The following TXK variants were observed in gnomAD, a reference collection of about 807,000 sequenced individuals.
The protein encoded by TXK is tyrosine-protein kinase TXK.
A neutral mutation model predicts 81.0 loss-of-function variants in TXK; 60 were observed. The ratio of observed to expected loss-of-function variants is 0.74; its 90% CI spans 0.60 to 0.92. The LOEUF (loss-of-function observed/expected upper bound fraction) is 0.92. TXK is among the 40% of genes least tolerant of loss of function. The pLI is 0.00. For missense variants in TXK, 581 were observed against 638.3 expected (o/e 0.91, Z 0.97); for synonymous variants, 203 against 210.7 (o/e 0.96, Z 0.32).
Position 48,067,027 on chromosome 4 carries a change from G to T in TXK, c.*610C>A, listed in dbSNP as rs1716630331. ...TTATAACAGTGTTTAAAACTCGAAT[G>T]CAAAAAACTGCTTTCAATATAATCA... is the stretch of plus-strand genomic sequence containing the variant. On this transcript the variant is annotated 3_prime_UTR_variant, in exon 15 of 15. Transcript: ENST00000264316. 6.6e-6 allele frequency: 1 copy of T among 152,140 alleles called. No homozygotes were observed. Among genetic ancestry groups the T allele is most frequent in the East Asian group, 1.9e-4 (1 of 5,202 alleles). The allele number at this position is 152,140 out of a possible 1,614,324, so 9.4% of individuals were successfully genotyped here.
chr4:48,129,103 G>A (rs1000614204), intron 1 of TXK, among the ~76,000 whole-genome samples: 6 of 152,156 alleles, frequency 3.9e-5, no homozygotes, highest in Admixed American at 3.9e-4. Flanking sequence ...GTAAAATTGG[G>A]ACATTGAGTT....
At chr4:48,083,155 G>A (rs975369184) in intron 10 of TXK, among the ~76,000 whole-genome samples, 1 of 152,178 alleles carries the variant, frequency 6.6e-6, no homozygotes, top group Non-Finnish European at 1.5e-5. Flanking sequence ...GACCCACTTG[G>A]GCTTTGGGAG....
chr4:48,086,554 A>G lies in TXK; in HGVS notation c.868T>C (p.Trp290Arg). The change falls in exon 10 of 15, where the codon TGG becomes CGG. Residue 290 changes from tryptophan to arginine, a missense_variant. Physicochemically the swap from Trp to Arg is moderately radical, Grantham distance 101. Coordinates refer to ENST00000264316, the MANE Select transcript of TXK (RefSeq NM_003328.3). ...ATAGCTACCTGGATATGTGACCGCC[A>G]TTCACCTAAATGGACCACTCCAAAC... ...GQFGVVHLGE[W>R]RSHIQVAIKA... 6.2e-7 allele frequency: 1 copy of G among 1,614,066 alleles called. No homozygotes were observed. Among genetic ancestry groups the G allele is most frequent in the Non-Finnish European group, 8.5e-7 (1 of 1,179,960 alleles).
At position 48,080,864 on chromosome 4, in the gene TXK, T is replaced by C. The variant is rs139695446; in HGVS notation, c.957-736A>G. ...TCATGGAAAATAATATTCAAATTAA[T>C]GCTTATAATTTTAGAAGATGTACCT... On this transcript the variant is annotated intron_variant, in intron 10 of 14. Transcript: ENST00000264316. Among the ~76,000 whole-genome samples, 324 of 152,284 alleles carry C rather than the reference T, an allele frequency of 2.1e-3. 1 individual carries two copies. The Middle Eastern group carries it at 0.031, about 14-fold the overall frequency.
At chr4:48,112,167 C>G in intron 4 of TXK, 140 bp downstream of exon 4, 1 of 766,352 alleles carries the variant, frequency 1.3e-6, no homozygotes, top group Non-Finnish European at 2.1e-6. Flanking sequence ...AATCACTGTT[C>G]TCTCATTCTC....
At chr4:48,120,772 T>C (rs1718937331) in intron 1 of TXK, among the ~76,000 whole-genome samples, 1 of 152,188 alleles carries the variant, frequency 6.6e-6, no homozygotes, top group African/African-American at 2.4e-5. Context: ...ATTAAAGGCA[T>C]GAGCCAGTCC....
intron 1 of TXK, among the ~76,000 whole-genome samples, chr4:48,121,418 A>G (rs922224790): frequency 4.6e-5 from 7 of 152,152 alleles, no homozygotes; most frequent in African/African-American, 1.7e-4. Flanking sequence ...TCTCACACAC[A>G]GGCCAATTTA....
At chr4:48,086,810 G>C (rs1337950102) in intron 9 of TXK, among the ~76,000 whole-genome samples, 173 bp from the exon 10 acceptor site, 2 of 152,172 alleles carry the variant, frequency 1.3e-5, no homozygotes, top group Non-Finnish European at 2.9e-5. Context: ...GTAATTCAAG[G>C]ACTCAAGTTT....
chr4:48,105,054 G>A (rs1718407660), intron 5 of TXK, 99 bp from the exon 6 acceptor site: 1 of 757,400 alleles, frequency 1.3e-6, no homozygotes, highest in Non-Finnish European at 2.1e-6. Context: ...CTTCAGAACT[G>A]AGCTTAGAAA....
chr4:48,106,987 C>A (rs1220669524), intron 5 of TXK, among the ~76,000 whole-genome samples: 1 of 152,082 alleles, frequency 6.6e-6, no homozygotes, highest in Non-Finnish European at 1.5e-5. Flanking sequence ...TTTCCAGGAT[C>A]ATTTAAAGAC....
At chr4:48,077,457 G>A (rs772950674) in intron 11 of TXK, among the ~76,000 whole-genome samples, 37 of 151,918 alleles carry the variant, frequency 2.4e-4, no homozygotes, top group Non-Finnish European at 4.6e-4. Flanking sequence ...CATTGTTCAC[G>A]GACATATTTT....
At chr4:48,114,263 G>A (rs977612729) in intron 2 of TXK, 85 bp downstream of exon 2, 5 of 1,374,772 alleles carry the variant, frequency 3.6e-6, no homozygotes, top group African/African-American at 1.4e-5. Flanking sequence ...AGAACAGCGG[G>A]TGCAAAGAGA....
rs571544147 is a variant in TXK at position 48,125,808 on chromosome 4, G to A, written c.16+8347C>T. Among the ~76,000 whole-genome samples the A allele has an allele frequency of 3.9e-5, 6 of 152,256 alleles. No individual in the cohort carries two copies. In the East Asian group the frequency reaches 5.8e-4, roughly 15 times the overall value. ...AGTCCAAAATCTAACAGGGCAGGCC[G>A]GCAAGCTGAAGAATGAGAGAAGAGT... On this transcript the variant is annotated intron_variant, in intron 1 of 14. Transcript: ENST00000264316.
intron 5 of TXK, 123 bp from the exon 6 acceptor site, chr4:48,105,078 T>A: frequency 6.4e-6 from 4 of 626,118 alleles, no homozygotes; most frequent in Non-Finnish European, 8.1e-6. Flanking sequence ...GAGTGTTTTT[T>A]TAAATTCAGA....
At chr4:48,121,524 A>T (rs984083965) in intron 1 of TXK, among the ~76,000 whole-genome samples, 2 of 152,238 alleles carry the variant, frequency 1.3e-5, no homozygotes, top group Non-Finnish European at 2.9e-5. Flanking sequence ...ATCAAAATCC[A>T]TAGATGCTTA....
intron 1 of TXK, among the ~76,000 whole-genome samples, chr4:48,120,341 T>C (rs948589792): frequency 1.3e-5 from 2 of 149,982 alleles, no homozygotes; most frequent in Admixed American, 6.7e-5. Flanking sequence ...TATATACACA[T>C]ATATACGTAT....
rs186667633 is a variant in TXK, at chr4:48,099,492, C to A, written c.502-4270G>T. 9.2e-4 allele frequency among the ~76,000 whole-genome samples: 140 copies of A among 152,188 alleles called. 1 individual carries two copies. Among genetic ancestry groups the A allele is most frequent in the Admixed American group, 3.5e-3 (53 of 15,290 alleles). ...CCCCAAACCTCATTGATTTGTAATG[C>A]CTGAAAATTTTTTTCCCAAATTAAT... On this transcript the variant is annotated intron_variant, in intron 6 of 14. Transcript: ENST00000264316.
Position 48,067,682 on chromosome 4 carries a change from A to C in TXK, c.1539T>G (p.Phe513Leu). The change falls in exon 15 of 15, where the codon TTT (phenylalanine) becomes TTG (leucine). Residue 513 changes from phenylalanine to leucine, a missense_variant. Phe to Leu is a conservative substitution (Grantham distance 22, BLOSUM62 0). Coordinates refer to ENST00000264316, the MANE Select transcript of TXK (RefSeq NM_003328.3). Reference sequence around the variant, plus strand: ...CTGTGACAGCCCGCAGCAGCTCGGCAAATGTAGGGCGGCCTTCAGGTTTCT... The same window carrying C: ...CTGTGACAGCCCGCAGCAGCTCGGCCAATGTAGGGCGGCCTTCAGGTTTCT... The part of the protein sequence containing the change: ...WHEKPEGRPT[F>L]AELLRAVTEI... The C allele has an allele frequency of 4.3e-6, 7 of 1,614,092 alleles. No individual in the cohort carries two copies. Among genetic ancestry groups the C allele is most frequent in the Non-Finnish European group, 5.9e-6 (7 of 1,180,006 alleles).
chr4:48,100,142 C>T (rs1382228456), intron 6 of TXK, among the ~76,000 whole-genome samples: 2 of 135,804 alleles, frequency 1.5e-5, no homozygotes, highest in Non-Finnish European at 3.1e-5. Flanking sequence ...ACAGCACTCC[C>T]GCCTGGGCGA....
Sources: allele counts gnomAD v4.1 joint callset (sites outside exome capture counted in the v4.1 genomes callset), GRCh38; gene constraint gnomAD v4.1.1; transcripts MANE v1.5; gene names NCBI Gene and HGNC (gene_info 2026-07-23, HGNC 2026-07-21).